Variants in RAVER2 observed in about 807,000 individuals in gnomAD.
RAVER2 encodes ribonucleoprotein PTB-binding 2.
In RAVER2, 46 loss-of-function variants were observed where a neutral mutation model predicts 78.1. The ratio of observed to expected loss-of-function variants is 0.59; its 90% CI spans 0.46 to 0.75. The LOEUF (loss-of-function observed/expected upper bound fraction) is 0.75. RAVER2 is among the 30% of genes least tolerant of loss of function. The pLI is 0.00. For missense variants in RAVER2, 793 were observed against 837.5 expected (o/e 0.95, Z 0.66); for synonymous variants, 311 against 313.3 (o/e 0.99, Z 0.08).
At chr1:64,761,455 A>G (rs1652019295) in intron 1 of RAVER2, among the ~76,000 whole-genome samples, 1 of 152,214 alleles carries the variant, frequency 6.6e-6, no homozygotes, top group African/African-American at 2.4e-5. Context: ...GAGATTAACT[A>G]TCATGAAGAT....
exon 11 of RAVER2, chr1:64,814,758 A>G (rs1294470927): frequency 5.0e-6 from 8 of 1,586,972 alleles, no homozygotes; most frequent in Admixed American, 1.8e-5. Context: ...AGCATTCTGG[A>G]TGCAATCTCT....
intron 8 of RAVER2, among the ~76,000 whole-genome samples, chr1:64,805,789 C>T (rs1653401912): frequency 2.0e-5 from 3 of 152,102 alleles, no homozygotes; most frequent in Admixed American, 2.0e-4. Context: ...AACCTTTTGT[C>T]CAGTGATCAA....
Position 64,786,460 on chromosome 1 carries a change from T to G in RAVER2, c.979-2928T>G, listed in dbSNP as rs571221620. On this transcript the variant is annotated intron_variant, in intron 4 of 11. Coordinates refer to ENST00000294428, the Ensembl canonical transcript of RAVER2. ...CTTCGTCACCCTGCTTTTTCTTGTT[T>G]GTTGGAATTTTCAGTTTCTTTAATT... 1.1e-4 allele frequency among the ~76,000 whole-genome samples: 17 copies of G among 152,372 alleles called. No individual in the cohort carries two copies. The South Asian group carries it at 3.5e-3, about 32-fold the overall frequency.
intron 5 of RAVER2, among the ~76,000 whole-genome samples, chr1:64,790,138 G>A (rs1652895580): frequency 6.6e-6 from 1 of 152,222 alleles, no homozygotes; most frequent in Admixed American, 6.5e-5. Flanking sequence ...ATGAGGAAAT[G>A]AATGCCTATA....
chr1:64,757,147 C>T (rs1250297193), intron 1 of RAVER2, among the ~76,000 whole-genome samples: 9 of 152,312 alleles, frequency 5.9e-5, no homozygotes, highest in South Asian at 2.1e-4. Flanking sequence ...GTCCTTTTGA[C>T]GTGTCCCCAG....
At position 64,803,076 on chromosome 1, in the gene RAVER2, T is replaced by G. The variant is rs1653312643; in HGVS notation, c.1191+15T>G. ...AAGCACATCAGGTACATAAATAACATTGAGTACTGAAGCATTAAATATTCG... is the reference window on the plus strand; with the variant it reads ...AAGCACATCAGGTACATAAATAACAGTGAGTACTGAAGCATTAAATATTCG... On this transcript the variant is annotated intron_variant, in intron 6 of 11. Transcript: ENST00000294428. 1 of 1,515,766 alleles carries G rather than the reference T, an allele frequency of 6.6e-7. No homozygotes were observed. 93.9% of individuals were successfully genotyped at this position (1,515,766 alleles called of 1,614,324 possible). A position where few individuals can be genotyped will look rare whatever the true frequency, so the allele number is the denominator to read the frequency against.
chr1:64,792,980 A>T (rs916410603), intron 5 of RAVER2, among the ~76,000 whole-genome samples: 2 of 152,184 alleles, frequency 1.3e-5, no homozygotes, highest in Non-Finnish European at 2.9e-5. Context: ...AGGTGGGCAG[A>T]TCACCTGAGG....
chr1:64,813,686 A>AT (rs1267400555), intron 10 of RAVER2, among the ~76,000 whole-genome samples: 2 of 151,720 alleles, frequency 1.3e-5, no homozygotes, highest in African/African-American at 4.8e-5. Context: ...TTAATTTGTA[A>AT]TTTTTTTTGA....
chr1:64,759,382 G>T (rs1026257574), intron 1 of RAVER2, among the ~76,000 whole-genome samples: 2 of 150,998 alleles, frequency 1.3e-5, no homozygotes, highest in African/African-American at 4.9e-5. Flanking sequence ...CACCACGCCC[G>T]GCTAATTTTT....
At chr1:64,783,669 A>C (rs1043467812) in intron 4 of RAVER2, among the ~76,000 whole-genome samples, 3 of 152,068 alleles carry the variant, frequency 2.0e-5, no homozygotes, top group African/African-American at 7.2e-5. Flanking sequence ...AGACTGCAAA[A>C]ATTTTCTCCC....
At chr1:64,773,979 C>T (rs1345070033) in intron 2 of RAVER2, among the ~76,000 whole-genome samples, 1 of 152,168 alleles carries the variant, frequency 6.6e-6, no homozygotes, top group Non-Finnish European at 1.5e-5. Flanking sequence ...TAAATGTCTT[C>T]TTTTGAGAAG....
chr1:64,829,330 A>G (rs1161563161), intron 11 of RAVER2, among the ~76,000 whole-genome samples: 2 of 152,160 alleles, frequency 1.3e-5, no homozygotes, highest in Non-Finnish European at 2.9e-5. Context: ...GTCTTTGGAA[A>G]ATCTCACTTG....
chr1:64,794,226 G>A (rs1367725851), intron 5 of RAVER2, among the ~76,000 whole-genome samples: 2 of 151,756 alleles, frequency 1.3e-5, no homozygotes, highest in South Asian at 2.1e-4. Flanking sequence ...GTGAAACCCC[G>A]TTTCTACTAA....
intron 11 of RAVER2, among the ~76,000 whole-genome samples, chr1:64,820,236 A>G (rs910222375): frequency 1.3e-5 from 2 of 152,110 alleles, no homozygotes; most frequent in Non-Finnish European, 2.9e-5. Flanking sequence ...TTTAATTACA[A>G]TGAAATTATG....
At chr1:64,814,612 TATA>T (rs1557604749) in intron 10 of RAVER2, 89 bp from the exon 11 acceptor site, 1 of 690,390 alleles carries the variant, frequency 1.4e-6, no homozygotes, top group Middle Eastern at 5.7e-4. Flanking sequence ...TAATATAACT[TATA>T]ATAAAATAAT....
chr1:64,809,524 A>AT (rs1653545622), intron 9 of RAVER2, among the ~76,000 whole-genome samples: 1 of 151,772 alleles, frequency 6.6e-6, no homozygotes, highest in Non-Finnish European at 1.5e-5. Context: ...AAATAAATAA[A>AT]AGAGATTTGG....
intron 5 of RAVER2, among the ~76,000 whole-genome samples, chr1:64,790,459 G>C (rs1652906207): frequency 6.6e-6 from 1 of 152,094 alleles, no homozygotes; most frequent in African/African-American, 2.4e-5. Flanking sequence ...CTTAATAATG[G>C]CCCCAAAGCG....
intron 9 of RAVER2, among the ~76,000 whole-genome samples, chr1:64,807,942 GCT>G (rs1653490204): frequency 1.3e-5 from 2 of 152,050 alleles, no homozygotes; most frequent in Non-Finnish European, 2.9e-5. Flanking sequence ...ATGCTTATTC[GCT>G]TACGTAGTAA....
chr1:64,826,952 T>C (rs1253253778), intron 11 of RAVER2, among the ~76,000 whole-genome samples: 3 of 152,084 alleles, frequency 2.0e-5, no homozygotes, highest in Non-Finnish European at 4.4e-5. Flanking sequence ...GGTAAGACTG[T>C]GTGGGTGGAG....
Sources: gnomAD v4.1 joint callset for allele counts (sites outside exome capture counted in the v4.1 genomes callset) on GRCh38, gnomAD v4.1.1 for gene constraint, MANE v1.5 for transcripts, NCBI Gene and HGNC (gene_info 2026-07-23, HGNC 2026-07-21) for gene names.